IQCJ: variants seen among roughly 807,000 people sequenced by gnomAD.
IQCJ encodes the protein IQ motif containing J.
In IQCJ, 9 loss-of-function variants were observed where a neutral mutation model predicts 11.0. The ratio of observed to expected loss-of-function variants is 0.82; its 90% CI spans 0.49 to 1.43. The LOEUF is 1.43. Ranked by LOEUF, IQCJ falls within the 40% of genes most tolerant of loss-of-function variation. The pLI is 0.00. For synonymous variants in IQCJ, 55 were observed against 51.3 expected, an observed-to-expected ratio of 1.07 and a Z score of -0.31; for missense variants, 146 against 133.2, an observed-to-expected ratio of 1.10 and a Z score of -0.47.
At chr3:159,118,703 T>C (rs897759451) in intron 1 of IQCJ, among the ~76,000 whole-genome samples, 5 of 152,082 alleles carry the variant, frequency 3.3e-5, no homozygotes, top group Admixed American at 2.6e-4. Context: ...GGTCTGTAAA[T>C]ATAAACCATA....
intron 1 of IQCJ, among the ~76,000 whole-genome samples, chr3:159,207,039 T>C (rs1439288577): frequency 6.6e-6 from 1 of 152,192 alleles, no homozygotes; most frequent in Non-Finnish European, 1.5e-5. Context: ...CCCTACTAAT[T>C]TGGTTTCTGT....
At chr3:159,222,534 G>C (rs1193446053) in intron 1 of IQCJ, among the ~76,000 whole-genome samples, 1 of 152,102 alleles carries the variant, frequency 6.6e-6, no homozygotes. Flanking sequence ...GATTACCAGA[G>C]GTGGAGAGAG....
chr3:159,118,840 A>G (rs891694336), intron 1 of IQCJ, among the ~76,000 whole-genome samples: 6 of 152,210 alleles, frequency 3.9e-5, no homozygotes, highest in African/African-American at 1.2e-4. Context: ...CTAATCTACA[A>G]TACTGAAGGA....
chr3:159,151,876 C>A (rs550842243), intron 1 of IQCJ, among the ~76,000 whole-genome samples: 1 of 152,194 alleles, frequency 6.6e-6, no homozygotes. Flanking sequence ...CCTCGTGATC[C>A]GCCCACCTTG....
At chr3:159,161,880 A>G (rs1338430004) in intron 1 of IQCJ, among the ~76,000 whole-genome samples, 2 of 152,160 alleles carry the variant, frequency 1.3e-5, no homozygotes, top group African/African-American at 4.8e-5. Context: ...GTTCTGTTCC[A>G]TTGATCTATA....
chr3:159,210,507 G>T (rs1043439729), intron 1 of IQCJ, among the ~76,000 whole-genome samples: 5 of 152,124 alleles, frequency 3.3e-5, no homozygotes, highest in Non-Finnish European at 7.4e-5. Flanking sequence ...AGGTCATTTT[G>T]GGTGGTGTTT....
chr3:159,241,317 G>A (rs1726910458), intron 1 of IQCJ, among the ~76,000 whole-genome samples: 1 of 152,060 alleles, frequency 6.6e-6, no homozygotes, highest in African/African-American at 2.4e-5. Context: ...GCTGAGGCAG[G>A]AGAATCACAT....
chr3:159,149,685 C>T (rs1206555952), intron 1 of IQCJ, among the ~76,000 whole-genome samples: 6 of 152,144 alleles, frequency 3.9e-5, no homozygotes. Context: ...GTTTAGGAGA[C>T]TCAGTTAACA....
intron 1 of IQCJ, among the ~76,000 whole-genome samples, chr3:159,089,992 T>C (rs369038909): frequency 6.6e-6 from 1 of 151,828 alleles, no homozygotes; most frequent in African/African-American, 2.4e-5. Flanking sequence ...GGAGGAGAGG[T>C]GCTCTGCTTT....
intron 1 of IQCJ, among the ~76,000 whole-genome samples, chr3:159,241,078 AC>A (rs1364255134): frequency 6.6e-6 from 1 of 152,078 alleles, no homozygotes; most frequent in African/African-American, 2.4e-5. Flanking sequence ...CAACAACAAA[AC>A]AAAACAGAAA....
At chr3:159,078,316 G>A (rs1009087765) in intron 1 of IQCJ, among the ~76,000 whole-genome samples, 1 of 152,084 alleles carries the variant, frequency 6.6e-6, no homozygotes, top group African/African-American at 2.4e-5. Flanking sequence ...TTTGGGTTTT[G>A]AGGGTGGAAG....
At chr3:159,247,541 G>A (rs1230330888) in intron 2 of IQCJ, among the ~76,000 whole-genome samples, 2 of 152,192 alleles carry the variant, frequency 1.3e-5, no homozygotes, top group Non-Finnish European at 2.9e-5. Flanking sequence ...TATGAGATGG[G>A]AAAACCCAGC....
At chr3:159,227,113 G>A (rs1725903455) in intron 1 of IQCJ, among the ~76,000 whole-genome samples, 1 of 152,150 alleles carries the variant, frequency 6.6e-6, no homozygotes, top group Admixed American at 6.5e-5. Flanking sequence ...ACCTCCAAAT[G>A]ATCCAGGTTT....
intron 1 of IQCJ, among the ~76,000 whole-genome samples, chr3:159,137,718 G>A (rs11918664): frequency 0.32 from 48,576 of 152,002 alleles, 8,274 homozygotes; most frequent in East Asian, 0.42. Context: ...TTTTATGAAT[G>A]TCATGATTCT....
At chr3:159,152,417 G>C (rs1257646694) in intron 1 of IQCJ, among the ~76,000 whole-genome samples, 3 of 152,128 alleles carry the variant, frequency 2.0e-5, no homozygotes, top group Non-Finnish European at 4.4e-5. Context: ...TGAGGGAGGT[G>C]GTATGTGGCT....
At chr3:159,073,895 T>A (rs1715745209) in intron 1 of IQCJ, among the ~76,000 whole-genome samples, 1 of 152,132 alleles carries the variant, frequency 6.6e-6, no homozygotes, top group South Asian at 2.1e-4. Context: ...TGTTTATTTT[T>A]AAATATAGAA....
intron 1 of IQCJ, among the ~76,000 whole-genome samples, chr3:159,161,860 T>C (rs2108221088): frequency 6.6e-6 from 1 of 152,358 alleles, no homozygotes; most frequent in South Asian, 2.1e-4. Context: ...GCGTTATTTC[T>C]GAGGGCTCTG....
chr3:159,116,263 G>A (rs1718991697), intron 1 of IQCJ, among the ~76,000 whole-genome samples: 1 of 150,320 alleles, frequency 6.7e-6, no homozygotes, highest in African/African-American at 2.4e-5. Context: ...AAGGAGAAGA[G>A]GAACAAGAGG....
chr3:159,211,639 A>G (rs1298293380), intron 1 of IQCJ, among the ~76,000 whole-genome samples: 1 of 152,242 alleles, frequency 6.6e-6, no homozygotes, highest in Non-Finnish European at 1.5e-5. Flanking sequence ...ATTAATATTA[A>G]ATAGCCAGTG....
Sources: allele counts gnomAD v4.1 joint callset (sites outside exome capture counted in the v4.1 genomes callset), GRCh38; gene constraint gnomAD v4.1.1; transcripts MANE v1.5; gene names NCBI Gene and HGNC (gene_info 2026-07-23, HGNC 2026-07-21).